The following PTPN14 variants were observed in gnomAD, a reference collection of about 807,000 sequenced individuals.
PTPN14 encodes the protein tyrosine-protein phosphatase non-receptor type 14.
PTPN14 carries 53 observed loss-of-function variants against 126.8 expected under a neutral mutation model. That is an observed-to-expected ratio of 0.42 (90% CI 0.34 to 0.53). The LOEUF is 0.53. Ranked by LOEUF, PTPN14 falls within the 20% of genes least tolerant of loss-of-function variation. The probability of loss-of-function intolerance (pLI) is 0.08; values close to 1 mark genes in which losing one functional copy is unlikely to be tolerated. For synonymous variants in PTPN14, 630 were observed against 599.3 expected (o/e 1.05, Z -0.75); for missense variants, 1,257 against 1,552.9 (o/e 0.81, Z 3.20).
At chr1:214,533,843 C>CA (rs200765209) in intron 1 of PTPN14, among the ~76,000 whole-genome samples, 9,894 of 64,440 alleles carry the variant, frequency 0.15, 708 homozygotes, top group East Asian at 0.37. Flanking sequence ...TCTCAAAAAA[C>CA]AAAAAAAAAA....
chr1:214,416,891 C>T (rs535034667), intron 3 of PTPN14, among the ~76,000 whole-genome samples: 2 of 152,232 alleles, frequency 1.3e-5, no homozygotes, highest in East Asian at 3.9e-4. Context: ...AATGCCTGCT[C>T]TTTGCTTATT....
chr1:214,364,244 C>A lies in PTPN14; in HGVS notation c.3435+268G>T, dbSNP rs891140195. Among the ~76,000 whole-genome samples, 1 of 152,088 alleles carries A rather than the reference C, an allele frequency of 6.6e-6. No homozygotes were observed. Among genetic ancestry groups the A allele is most frequent in the African/African-American group, 2.4e-5 (1 of 41,392 alleles). On this transcript the variant is annotated intron_variant, in intron 18 of 18. Coordinates refer to ENST00000366956, the MANE Select transcript of PTPN14 (RefSeq NM_005401.5). This position sits in a 1 kb window ranked among gnomAD's most constrained non-coding sequence, Gnocchi z 4.1. ...GCCAAAGACTTCTGGAAGTAGATGC[C>A]GCCTAAGATCACATTTTCTAAGTGT...
rs530990938 is a variant in PTPN14, at chr1:214,464,895, C to G, written c.-92G>C. Reference sequence around the variant, plus strand: ...TTTCGTGACTGGAAAATTACACTATCACCTGTGCTCCTCCAGGCAGGGAAA... The same window carrying G: ...TTTCGTGACTGGAAAATTACACTATGACCTGTGCTCCTCCAGGCAGGGAAA... On this transcript the variant is annotated 5_prime_UTR_variant, in exon 2 of 19. Transcript: ENST00000366956. 1 of 1,481,842 alleles carries G rather than the reference C, an allele frequency of 6.7e-7. No homozygotes were observed. Among genetic ancestry groups the G allele is most frequent in the Non-Finnish European group, 9.2e-7 (1 of 1,089,058 alleles). The allele number at this position is 1,481,842 out of a possible 1,614,324, so 91.8% of individuals were successfully genotyped here.
At chr1:214,407,400 C>T (rs1338131354) in intron 5 of PTPN14, among the ~76,000 whole-genome samples, 2 of 151,214 alleles carry the variant, frequency 1.3e-5, no homozygotes, top group Non-Finnish European at 2.9e-5. Context: ...TGGTGGTGGG[C>T]ATCTGTAATC....
At chr1:214,451,536 G>A (rs1428574666) in intron 3 of PTPN14, among the ~76,000 whole-genome samples, 3 of 151,994 alleles carry the variant, frequency 2.0e-5, no homozygotes, top group Non-Finnish European at 4.4e-5. Flanking sequence ...ATATTTCCAC[G>A]CTGCTAGAGA....
At chr1:214,431,272 A>G (rs1331698150) in intron 3 of PTPN14, among the ~76,000 whole-genome samples, 1 of 152,228 alleles carries the variant, frequency 6.6e-6, no homozygotes, top group African/African-American at 2.4e-5. Context: ...GATGAAAGCA[A>G]TCCTTTAGAA....
chr1:214,510,119 G>A (rs999203842), intron 1 of PTPN14, among the ~76,000 whole-genome samples: 1 of 152,172 alleles, frequency 6.6e-6, no homozygotes, highest in Non-Finnish European at 1.5e-5. Context: ...GGAATAGGGA[G>A]GCGGGAGGAG....
At chr1:214,472,262 G>A (rs1027640476) in intron 1 of PTPN14, among the ~76,000 whole-genome samples, 1 of 151,990 alleles carries the variant, frequency 6.6e-6, no homozygotes, top group Non-Finnish European at 1.5e-5. Context: ...GAGTTCTCCC[G>A]AGATCTAGTT....
intron 1 of PTPN14, 100 bp from the exon 2 acceptor site, chr1:214,465,057 C>T: frequency 5.2e-6 from 2 of 387,208 alleles, no homozygotes; most frequent in South Asian, 7.8e-5. Flanking sequence ...CCCCACCCCG[C>T]CAAACAGATC....
At chr1:214,474,382 C>T (rs186375414) in intron 1 of PTPN14, among the ~76,000 whole-genome samples, 110 of 152,292 alleles carry the variant, frequency 7.2e-4, no homozygotes, top group Middle Eastern at 3.4e-3. Flanking sequence ...CAGTTCTTTA[C>T]AAGTTCCTTG....
rs1377958046 is a variant in PTPN14 at position 214,551,431 on chromosome 1, G to C, written c.-403C>G. ...GGGGCTGTCCCGCCCGAGGAGGCCG[G>C]GGAGGATGGCTCAGCTGGGAGGGGA... On this transcript the variant is annotated 5_prime_UTR_variant, in exon 1 of 19. Transcript: ENST00000366956. 1 of 152,558 alleles carries C rather than the reference G, an allele frequency of 6.6e-6. No individual in the cohort carries two copies. Among genetic ancestry groups the C allele is most frequent in the African/African-American group, 2.4e-5 (1 of 41,470 alleles). 9.5% of individuals were successfully genotyped at this position (152,558 alleles called of 1,614,324 possible).
chr1:214,394,924 T>C lies in PTPN14; in HGVS notation c.821A>G (p.Lys274Arg). The change falls in exon 9 of 19, where the codon AAA becomes AGA. Residue 274 changes from lysine to arginine, a missense_variant. Physicochemically the swap from Lys to Arg is conservative, Grantham distance 26. This residue lies in a region of PTPN14 where 1,021 missense variants were observed against 1,183.3 expected (regional missense o/e 0.86). Transcript: ENST00000366956. ...CGTGTGAAAGAGGGCAGTCTCTTCT[T>C]TGTTGATGAGCTCCACTAGAATGGT... ...KSTILVELIN[K>R]EETALFHTDD... is the part of the protein sequence containing the mutation. 1 of 1,613,636 alleles carries C rather than the reference T, an allele frequency of 6.2e-7. No homozygotes were observed. Among genetic ancestry groups the C allele is most frequent in the Non-Finnish European group, 8.5e-7 (1 of 1,179,564 alleles).
At chr1:214,409,231 C>T (rs1012572767) in intron 5 of PTPN14, among the ~76,000 whole-genome samples, 1 of 152,224 alleles carries the variant, frequency 6.6e-6, no homozygotes, top group South Asian at 2.1e-4. Context: ...ACATTTCCTC[C>T]TTCCACCCAG....
At chr1:214,462,644 A>T (rs1660538387) in intron 2 of PTPN14, among the ~76,000 whole-genome samples, 1 of 152,210 alleles carries the variant, frequency 6.6e-6, no homozygotes, top group Non-Finnish European at 1.5e-5. Context: ...ACTGCACAAC[A>T]CTAAGGACAG....
intron 2 of PTPN14, among the ~76,000 whole-genome samples, chr1:214,452,234 G>A (rs1161885996): frequency 6.6e-6 from 1 of 152,212 alleles, no homozygotes; most frequent in Non-Finnish European, 1.5e-5. Flanking sequence ...GCCCATGTGA[G>A]GTAAGGGGAG....
intron 1 of PTPN14, among the ~76,000 whole-genome samples, chr1:214,485,131 G>A (rs12043991): frequency 0.35 from 53,815 of 152,104 alleles, 10,040 homozygotes; most frequent in Non-Finnish European, 0.42. Context: ...TAATTATCCT[G>A]GAAGGACAGT....
chr1:214,357,760 A>C lies in PTPN14; in HGVS notation c.*162T>G, dbSNP rs939967310. ...GAAAAAAATAAATTATCTCATATAA[A>C]ATAATACATGGTATGTGTGAATAAT... On this transcript the variant is annotated 3_prime_UTR_variant, in exon 19 of 19. Coordinates refer to ENST00000366956, the MANE Select transcript of PTPN14 (RefSeq NM_005401.5). 10 of 548,582 alleles carry C rather than the reference A, an allele frequency of 1.8e-5. No individual in the cohort carries two copies. In the African/African-American group the frequency reaches 1.9e-4, roughly 10 times the overall value. 34.0% of individuals were successfully genotyped at this position (548,582 alleles called of 1,614,324 possible). A position where few individuals can be genotyped will look rare whatever the true frequency, so the allele number is the denominator to read the frequency against.
At chr1:214,489,744 A>T (rs935959291) in intron 1 of PTPN14, among the ~76,000 whole-genome samples, 3 of 152,168 alleles carry the variant, frequency 2.0e-5, no homozygotes, top group Non-Finnish European at 4.4e-5. Flanking sequence ...GCATCACATC[A>T]CTGTGTTGGC....
chr1:214,369,818 G>A (rs1658172116), intron 16 of PTPN14, 127 bp from the exon 17 acceptor site: 2 of 788,242 alleles, frequency 2.5e-6, no homozygotes, highest in Non-Finnish European at 4.4e-6. Context: ...GCACTCTGCA[G>A]TGTCTACCAC....
Sources: allele counts gnomAD v4.1 joint callset (sites outside exome capture counted in the v4.1 genomes callset), GRCh38; gene constraint gnomAD v4.1.1; regional missense constraint gnomAD v4.1.1; non-coding constraint Gnocchi (gnomAD v3.1); transcripts MANE v1.5; gene names NCBI Gene and HGNC (gene_info 2026-07-23, HGNC 2026-07-21).